ABHD2: variants seen among roughly 807,000 people sequenced by gnomAD.
ABHD2 encodes monoacylglycerol lipase ABHD2.
Under a neutral mutation model 48.1 loss-of-function variants are expected in ABHD2, and 20 were observed. The ratio of observed to expected loss-of-function variants is 0.42; its 90% CI spans 0.29 to 0.60. ABHD2 has a LOEUF of 0.60. ABHD2 is among the 20% of genes least tolerant of loss of function. The pLI is 0.24. For missense variants in ABHD2, 405 were observed against 550.9 expected, an observed-to-expected ratio of 0.74 and a Z score of 2.65; for synonymous variants, 209 against 214.2, an observed-to-expected ratio of 0.98 and a Z score of 0.21.
At chr15:89,133,881 G>A (rs977024113) in intron 3 of ABHD2, among the ~76,000 whole-genome samples, 10 of 139,168 alleles carry the variant, frequency 7.2e-5, no homozygotes, top group African/African-American at 2.4e-4. Flanking sequence ...CTGTCACCCA[G>A]GCTAGAGTGC....
chr15:89,093,173 C>CTTTTTTT (rs71149272), intron 1 of ABHD2, among the ~76,000 whole-genome samples: 2 of 71,778 alleles, frequency 2.8e-5, no homozygotes, highest in Admixed American at 1.8e-4. Context: ...TTTTTTCATT[C>CTTTTTTT]TTTTTTTTTT....
chr15:89,152,303 TCTC>T (rs1171425892), intron 4 of ABHD2, among the ~76,000 whole-genome samples: 1 of 152,092 alleles, frequency 6.6e-6, no homozygotes, highest in Non-Finnish European at 1.5e-5. Flanking sequence ...ATGGTCTCGA[TCTC>T]CTGACCTCGT....
At chr15:89,117,788 G>A (rs1567075039) in intron 3 of ABHD2, among the ~76,000 whole-genome samples, 2 of 152,196 alleles carry the variant, frequency 1.3e-5, no homozygotes, top group Non-Finnish European at 2.9e-5. Flanking sequence ...CAGACAAATA[G>A]GCAATGAACA....
At chr15:89,048,191 G>A in the ABHD2 span, among the ~76,000 whole-genome samples, 1 of 150,834 alleles carries the variant, frequency 6.6e-6, no homozygotes, top group African/African-American at 2.4e-5. Context: ...ATTCTGGGTT[G>A]AAAATTCTTT....
intron 3 of ABHD2, among the ~76,000 whole-genome samples, chr15:89,142,471 G>A (rs144983551): frequency 1.3e-3 from 192 of 152,232 alleles, no homozygotes; most frequent in African/African-American, 4.5e-3. Flanking sequence ...GTTTCACTCC[G>A]GGTGACATAA....
At position 89,159,098 on chromosome 15, in the gene ABHD2, C is replaced by T. The variant is rs548998043; in HGVS notation, c.538+3564C>T. 5.9e-5 allele frequency among the ~76,000 whole-genome samples: 9 copies of T among 151,982 alleles called. No individual in the cohort carries two copies. In the East Asian group the frequency reaches 1.2e-3, roughly 20 times the overall value. Reference sequence around the variant, plus strand: ...TCGTTAAAGAATTACAATACAACGCCGGGCACGGTGGCTCATGCCTGTAAT... The same window carrying T: ...TCGTTAAAGAATTACAATACAACGCTGGGCACGGTGGCTCATGCCTGTAAT... On this transcript the variant is annotated intron_variant, in intron 5 of 10. Transcript: ENST00000352732.
intron 5 of ABHD2, among the ~76,000 whole-genome samples, chr15:89,169,258 C>G (rs1417675933): frequency 6.6e-6 from 1 of 152,136 alleles, no homozygotes; most frequent in Non-Finnish European, 1.5e-5. Context: ...TAGCGTTGGA[C>G]TTTGAGTAGA....
At chr15:89,112,144 C>T (rs1178554205) in intron 1 of ABHD2, among the ~76,000 whole-genome samples, 2 of 152,052 alleles carry the variant, frequency 1.3e-5, no homozygotes, top group Non-Finnish European at 2.9e-5. Context: ...GGGACTGTGG[C>T]CACCTGGAGA....
chr15:89,063,975 G>T, the ABHD2 span, among the ~76,000 whole-genome samples: 34 of 152,020 alleles, frequency 2.2e-4, no homozygotes, highest in African/African-American at 8.0e-4. Context: ...CATGGCCCAG[G>T]GGTTGAGGAC....
Position 89,164,123 on chromosome 15 carries a change from C to T in ABHD2, c.538+8589C>T, listed in dbSNP as rs901442325. On this transcript the variant is annotated intron_variant, in intron 5 of 10. Transcript: ENST00000352732. This position sits in a 1 kb window ranked among gnomAD's most constrained non-coding sequence, Gnocchi z 5.0. ...TTTTGTTCAGCCAGCATCCTCCAGA[C>T]AATGATGGGGCCAGCCTCTGCGATG... Among the ~76,000 whole-genome samples the T allele has an allele frequency of 5.9e-5, 9 of 152,200 alleles. No individual in the cohort carries two copies. The highest frequency in any genetic ancestry group is 8.8e-5 in the Non-Finnish European group (6 of 68,042).
the ABHD2 span, among the ~76,000 whole-genome samples, chr15:89,047,679 G>T: frequency 6.6e-6 from 1 of 151,076 alleles, no homozygotes; most frequent in Non-Finnish European, 1.5e-5. Context: ...TTTGATCTTT[G>T]TTGGTTTAAA....
chr15:89,157,418 A>G (rs927153279), intron 5 of ABHD2, among the ~76,000 whole-genome samples: 5 of 152,190 alleles, frequency 3.3e-5, no homozygotes, highest in Non-Finnish European at 7.3e-5. Context: ...ATGAACAGGT[A>G]TACCTGCTTT....
Position 89,151,566 on chromosome 15 carries a change from G to C in ABHD2, c.195-111G>C. 1 of 1,198,684 alleles carries C rather than the reference G, an allele frequency of 8.3e-7. No homozygotes were observed. The highest frequency in any genetic ancestry group is 1.5e-5 in the South Asian group (1 of 67,120). The allele number at this position is 1,198,684 out of a possible 1,614,324, so 74.3% of individuals were successfully genotyped here. A position where few individuals can be genotyped will look rare whatever the true frequency, so the allele number is the denominator to read the frequency against. On this transcript the variant is annotated intron_variant, in intron 3 of 10. Coordinates refer to ENST00000352732, the MANE Select transcript of ABHD2 (RefSeq NM_152924.5). This position sits in a 1 kb window ranked among gnomAD's most constrained non-coding sequence, Gnocchi z 4.7. Reference sequence around the variant, plus strand: ...TAAAAGCCTCATGTTTATGCTTTGTGTGCAGAATTTCCCTGGAACAAAAAT... The same window carrying C: ...TAAAAGCCTCATGTTTATGCTTTGTCTGCAGAATTTCCCTGGAACAAAAAT...
rs2150894281 is a variant in ABHD2, at chr15:89,155,293, A to G, written c.371-74A>G. 1 of 1,485,846 alleles carries G rather than the reference A, an allele frequency of 6.7e-7. No homozygotes were observed. The highest frequency in any genetic ancestry group is 9.3e-7 in the Non-Finnish European group (1 of 1,081,050). 92.0% of individuals were successfully genotyped at this position (1,485,846 alleles called of 1,614,324 possible). A position where few individuals can be genotyped will look rare whatever the true frequency, so the allele number is the denominator to read the frequency against. ...ATTCCCTCCCCTTGTTTTCTAGACC[A>G]GTGAAGTGTAATTATGTCCATTTAT... is the stretch of plus-strand genomic sequence containing the variant. On this transcript the variant is annotated intron_variant, in intron 4 of 10. Coordinates refer to ENST00000352732, the MANE Select transcript of ABHD2 (RefSeq NM_152924.5). This position sits in a 1 kb window ranked among gnomAD's most constrained non-coding sequence, Gnocchi z 4.9.
At chr15:89,093,923 C>G (rs985130289) in intron 1 of ABHD2, 1 of 152,202 alleles carries the variant, frequency 6.6e-6, no homozygotes, top group African/African-American at 2.4e-5. Flanking sequence ...TCTTGCCTCT[C>G]GGGTTTTTTT....
chr15:89,151,974 G>A lies in ABHD2; in HGVS notation c.370+122G>A. 2 of 1,306,644 alleles carry A rather than the reference G, an allele frequency of 1.5e-6. No individual in the cohort carries two copies. The highest frequency in any genetic ancestry group is 1.5e-5 in the South Asian group (1 of 67,014). 80.9% of individuals were successfully genotyped at this position (1,306,644 alleles called of 1,614,324 possible). ...TGCCCATGGCATCAGGGGCTGTTGG[G>A]AAGCCTGCTGGGATTCGTCACTTAG... On this transcript the variant is annotated intron_variant, in intron 4 of 10. Transcript: ENST00000352732. The surrounding 1 kb of genome is among the most constrained non-coding windows in gnomAD (Gnocchi z 4.7).
intron 9 of ABHD2, 135 bp downstream of exon 9, chr15:89,191,284 T>G (rs1471054287): frequency 1.2e-6 from 1 of 817,668 alleles, no homozygotes; most frequent in Non-Finnish European, 1.9e-6. Flanking sequence ...TAGCTTGGAT[T>G]TGTTTATTGA....
At chr15:89,192,269 G>A (rs1425383605) in intron 9 of ABHD2, among the ~76,000 whole-genome samples, 1 of 152,180 alleles carries the variant, frequency 6.6e-6, no homozygotes. Flanking sequence ...TTAAGCCATT[G>A]TAGGAATGTT....
At chr15:89,125,654 G>A (rs117399563) in intron 3 of ABHD2, among the ~76,000 whole-genome samples, 2,905 of 152,252 alleles carry the variant, frequency 0.019, 26 homozygotes, top group Non-Finnish European at 0.029. Flanking sequence ...TACTAATACC[G>A]GGGAATTCCA....
Sources: gnomAD v4.1 joint callset for allele counts (sites outside exome capture counted in the v4.1 genomes callset) on GRCh38, gnomAD v4.1.1 for gene constraint, Gnocchi (gnomAD v3.1) non-coding constraint, MANE v1.5 for transcripts, NCBI Gene and HGNC (gene_info 2026-07-23, HGNC 2026-07-21) for gene names.